Variants in GPC5 observed in about 807,000 individuals in gnomAD.
The protein encoded by GPC5 is glypican 5, also known as glypican-5.
Under a neutral mutation model 53.9 loss-of-function variants are expected in GPC5, and 47 were observed. The observed-to-expected ratio is 0.87, with a 90% CI of 0.69 to 1.11. The LOEUF (loss-of-function observed/expected upper bound fraction) is 1.11, where lower values mean the gene tolerates loss of function less well. GPC5 is among the 50% of genes most tolerant of loss of function. The pLI is 0.00. For synonymous variants in GPC5, 286 were observed against 263.3 expected (o/e 1.09, Z -0.84); for missense variants, 748 against 713.1 (o/e 1.05, Z -0.56).
chr13:92,031,737 T>TATATATTAC (rs2040846085), intron 6 of GPC5, among the ~76,000 whole-genome samples: 1 of 58,168 alleles, frequency 1.7e-5, no homozygotes, highest in Non-Finnish European at 3.3e-5. Context: ...TATTACATAT[T>TATATATTAC]ATATATAATA....
intron 7 of GPC5, among the ~76,000 whole-genome samples, chr13:92,342,205 T>C (rs2043372576): frequency 6.6e-6 from 1 of 152,144 alleles, no homozygotes; most frequent in Non-Finnish European, 1.5e-5. Flanking sequence ...TTGCCTGCTT[T>C]CGGTCATGGT....
chr13:91,677,505 T>G (rs2035410769), intron 2 of GPC5, among the ~76,000 whole-genome samples: 1 of 152,190 alleles, frequency 6.6e-6, no homozygotes, highest in African/African-American at 2.4e-5. Flanking sequence ...TTGTTTTTAA[T>G]AGACGAGAAC....
intron 7 of GPC5, among the ~76,000 whole-genome samples, chr13:92,864,113 C>A (rs1362870072): frequency 1.3e-5 from 2 of 151,998 alleles, no homozygotes; most frequent in African/African-American, 2.4e-5. Flanking sequence ...ATTCATGGAG[C>A]TAGAATTTTT....
At chr13:91,666,976 G>A (rs1365875) in intron 2 of GPC5, among the ~76,000 whole-genome samples, 38,255 of 152,056 alleles carry the variant, frequency 0.25, 6,687 homozygotes, top group African/African-American at 0.49. Context: ...GATAGATACT[G>A]TTGTTTTGTT....
intron 7 of GPC5, among the ~76,000 whole-genome samples, chr13:92,602,709 C>T (rs1403028813): frequency 1.3e-5 from 2 of 152,034 alleles, no homozygotes; most frequent in East Asian, 1.9e-4. Context: ...CAACCAATTC[C>T]AAGAGGGAAA....
intron 4 of GPC5, among the ~76,000 whole-genome samples, chr13:91,754,246 CAT>C (rs1183010369): frequency 3.9e-5 from 6 of 152,038 alleles, no homozygotes; most frequent in African/African-American, 1.4e-4. Context: ...AAGTGAGTAA[CAT>C]AATCTCTGGA....
intron 7 of GPC5, among the ~76,000 whole-genome samples, chr13:92,442,462 C>G (rs1391601150): frequency 6.6e-6 from 1 of 151,988 alleles, no homozygotes; most frequent in African/African-American, 2.4e-5. Context: ...TCCTGGGACC[C>G]ATAATATTCA....
At chr13:92,645,003 A>C (rs115431331) in intron 7 of GPC5, among the ~76,000 whole-genome samples, 282 of 152,268 alleles carry the variant, frequency 1.9e-3, no homozygotes, top group African/African-American at 6.7e-3. Flanking sequence ...TTTTTACTCA[A>C]CTTTATTGTA....
chr13:92,393,731 G>A (rs945647760), intron 7 of GPC5, among the ~76,000 whole-genome samples: 5 of 151,906 alleles, frequency 3.3e-5, no homozygotes, highest in Non-Finnish European at 5.9e-5. Context: ...GTGGAAGGAG[G>A]GAGAAGAGCA....
intron 7 of GPC5, among the ~76,000 whole-genome samples, chr13:92,614,526 G>A (rs957086630): frequency 6.6e-6 from 1 of 152,192 alleles, no homozygotes; most frequent in Non-Finnish European, 1.5e-5. Flanking sequence ...GTAAGTTGGA[G>A]ATCATCTGTA....
intron 7 of GPC5, among the ~76,000 whole-genome samples, chr13:92,764,625 A>G (rs781280233): frequency 3.3e-5 from 5 of 152,182 alleles, no homozygotes; most frequent in Admixed American, 3.3e-4. Context: ...ACTGGGAGAT[A>G]GAGTGGTAGA....
chr13:91,960,166 T>TAAA (rs35307972), intron 6 of GPC5, among the ~76,000 whole-genome samples: 1 of 146,990 alleles, frequency 6.8e-6, no homozygotes. Context: ...GATCTTATTC[T>TAAA]AAAAAAAAAA....
intron 7 of GPC5, among the ~76,000 whole-genome samples, chr13:92,173,415 C>T (rs1040362335): frequency 1.3e-5 from 2 of 152,206 alleles, no homozygotes; most frequent in African/African-American, 4.8e-5. Context: ...TCAGATTTTA[C>T]TGCCATATTG....
intron 7 of GPC5, among the ~76,000 whole-genome samples, chr13:92,286,651 C>A (rs545243427): frequency 6.7e-6 from 1 of 149,588 alleles, no homozygotes; most frequent in Non-Finnish European, 1.5e-5. Flanking sequence ...AACCAAATAC[C>A]GCATGTTCTC....
intron 5 of GPC5, among the ~76,000 whole-genome samples, chr13:91,756,936 T>G (rs1456560489): frequency 6.6e-6 from 1 of 151,676 alleles, no homozygotes; most frequent in Non-Finnish European, 1.5e-5. Flanking sequence ...GACTATGTAA[T>G]AGTGGGGGCA....
chr13:91,560,110 T>A (rs1215006432), intron 2 of GPC5, among the ~76,000 whole-genome samples: 1 of 152,094 alleles, frequency 6.6e-6, no homozygotes, highest in Non-Finnish European at 1.5e-5. Context: ...ACTTGGTTGG[T>A]TTCCTGAAAC....
At chr13:92,367,802 A>C (rs1161681083) in intron 7 of GPC5, among the ~76,000 whole-genome samples, 1 of 152,162 alleles carries the variant, frequency 6.6e-6, no homozygotes, top group Admixed American at 6.5e-5. Flanking sequence ...AGTGTTAGTG[A>C]CCTGGAATGA....
chr13:92,488,454 T>A (rs1879640613), intron 7 of GPC5, among the ~76,000 whole-genome samples: 1 of 152,232 alleles, frequency 6.6e-6, no homozygotes, highest in African/African-American at 2.4e-5. Context: ...AAGTAATATT[T>A]GATTAAGTGC....
At chr13:91,815,953 T>C (rs1251344836) in intron 5 of GPC5, among the ~76,000 whole-genome samples, 1 of 152,116 alleles carries the variant, frequency 6.6e-6, no homozygotes, top group Non-Finnish European at 1.5e-5. Flanking sequence ...ACTGTACATG[T>C]TGATATATTG....
Sources: gnomAD v4.1 joint callset for allele counts (sites outside exome capture counted in the v4.1 genomes callset) on GRCh38, gnomAD v4.1.1 for gene constraint, MANE v1.5 for transcripts, NCBI Gene and HGNC (gene_info 2026-07-23, HGNC 2026-07-21) for gene names.